Variants in PTCH1 observed in about 807,000 individuals in gnomAD.
PTCH1 encodes the protein patched 1, also known as protein patched homolog 1.
PTCH1 carries 14 observed loss-of-function variants against 144.6 expected under a neutral mutation model. The observed-to-expected ratio is 0.10, with a 90% confidence interval of 0.06 to 0.15. PTCH1 has a LOEUF of 0.15. Among genes scored for constraint, PTCH1 ranks in the 10% least tolerant of loss-of-function variants. PTCH1 has a pLI of 1.00. For missense variants in PTCH1, 1,623 were observed against 1,948.3 expected, an observed-to-expected ratio of 0.83 and a Z score of 3.14; for synonymous variants, 833 against 793.6, an observed-to-expected ratio of 1.05 and a Z score of -0.83.
At chr9:95,507,930 A>C in intron 1 of PTCH1, 3 of 1,429,726 alleles carry the variant, frequency 2.1e-6, no homozygotes, top group Non-Finnish European at 2.8e-6. Flanking sequence ...GCACACACAC[A>C]CACCTCCACC....
intron 18 of PTCH1, 32 bp downstream of exon 18, chr9:95,457,981 G>T: frequency 6.2e-7 from 1 of 1,613,452 alleles, no homozygotes; most frequent in South Asian, 1.1e-5. Context: ...AAAGGAATTT[G>T]ACTTCCACAA....
At chr9:95,505,193 A>G (rs146250253) in intron 2 of PTCH1, among the ~76,000 whole-genome samples, 10 of 152,348 alleles carry the variant, frequency 6.6e-5, no homozygotes, top group African/African-American at 2.4e-4. Context: ...GATTAAGGAA[A>G]TATTCTTCAA....
At position 95,461,958 on chromosome 9, in the gene PTCH1, T is replaced by G. The variant is rs568888639; in HGVS notation, c.2601A>C (p.Lys867Asn). Residue 867 changes from lysine to asparagine, a missense_variant, in exon 16 of 24, where the codon AAA becomes AAC. By Grantham distance (94) the Lys-to-Asn change is moderately conservative. Around this residue, in one of 7 missense-constraint regions of PTCH1, gnomAD observed 504 missense variants for 679.3 expected, o/e 0.74. Transcript: ENST00000331920. ...CATTCTTGTAATTGTTTGGCATGATTTTCCCGGTTTCCCAGTCACTGTCAA... is the reference window on the plus strand; with the variant it reads ...CATTCTTGTAATTGTTTGGCATGATGTTCCCGGTTTCCCAGTCACTGTCAA... ...DAFDSDWETG[K>N]IMPNNYKNGS... 1 of 1,614,224 alleles carries G rather than the reference T, an allele frequency of 6.2e-7. No individual in the cohort carries two copies. Among genetic ancestry groups the G allele is most frequent in the Middle Eastern group, 1.6e-4 (1 of 6,062 alleles).
rs2118052149 is a variant in PTCH1, at chr9:95,469,060, G to T, written c.1941C>A (p.Ser647Arg). 1 of 1,614,090 alleles carries T rather than the reference G, an allele frequency of 6.2e-7. No individual in the cohort carries two copies. The highest frequency in any genetic ancestry group is 8.5e-7 in the Non-Finnish European group (1 of 1,180,046). The change falls in exon 14 of 24, where the codon AGC becomes AGA. Residue 647 changes from serine to arginine, a missense_variant. This residue lies in a region of PTCH1 where 179 missense variants were observed against 165.7 expected (regional missense o/e 1.08). Coordinates refer to ENST00000331920, the MANE Select transcript of PTCH1 (RefSeq NM_000264.5). Reference protein sequence around the residue: ...TRYSPPPPYSSHSFAHETQIT... With the variant: ...TRYSPPPPYSRHSFAHETQIT... Reference sequence around the variant, plus strand: ...TCTGCGTTTCATGGGCAAAGCTGTGGCTGCTGTAGGGAGGTGGGGGGCTGT... The same window carrying T: ...TCTGCGTTTCATGGGCAAAGCTGTGTCTGCTGTAGGGAGGTGGGGGGCTGT...
chr9:95,460,343 A>G (rs1190180811), intron 16 of PTCH1, among the ~76,000 whole-genome samples: 3 of 152,202 alleles, frequency 2.0e-5, no homozygotes, highest in African/African-American at 7.2e-5. Flanking sequence ...AGGTGATCTT[A>G]TTCCCGGAGG....
chr9:95,504,155 T>C (rs948759209), intron 2 of PTCH1, among the ~76,000 whole-genome samples: 2 of 150,852 alleles, frequency 1.3e-5, no homozygotes, highest in Non-Finnish European at 2.9e-5. Flanking sequence ...AGTGACAGTA[T>C]TAGTACTGAG....
intron 8 of PTCH1, among the ~76,000 whole-genome samples, chr9:95,478,486 C>G (rs916049582): frequency 6.6e-6 from 1 of 152,136 alleles, no homozygotes; most frequent in Non-Finnish European, 1.5e-5. Context: ...GTCTCTTCTC[C>G]GTTAACTTCA....
chr9:95,465,952 G>A (rs118162639), intron 15 of PTCH1, among the ~76,000 whole-genome samples: 122 of 152,250 alleles, frequency 8.0e-4, no homozygotes, highest in Admixed American at 1.7e-3. Flanking sequence ...ACGTGCAGTC[G>A]GTCAGGAGAA....
chr9:95,494,119 G>T, intron 2 of PTCH1: 1 of 785,010 alleles, frequency 1.3e-6, no homozygotes. Flanking sequence ...CTGGGCGCAG[G>T]TAGTGCGCAG....
chr9:95,478,256 C>T, intron 8 of PTCH1, 70 bp from the exon 9 acceptor site: 2 of 1,604,184 alleles, frequency 1.2e-6, no homozygotes, highest in Non-Finnish European at 8.5e-7. Flanking sequence ...CAGCACAGAT[C>T]TCAGGTGACA....
intron 2 of PTCH1, among the ~76,000 whole-genome samples, chr9:95,501,506 T>C (rs1203759954): frequency 1.3e-5 from 2 of 150,674 alleles, no homozygotes; most frequent in Non-Finnish European, 2.9e-5. Context: ...ATACCAAGCA[T>C]GTATTTTAAA....
chr9:95,480,451 G>A lies in PTCH1; in HGVS notation c.884C>T (p.Pro295Leu), dbSNP rs370755364. Residue 295 changes from proline (P) to leucine (L), a missense_variant, in exon 6 of 24, where the codon CCC becomes CTC. Physicochemically the swap from Pro to Leu is moderately conservative, Grantham distance 98 (BLOSUM62 -3). This residue lies in a region of PTCH1 where 230 missense variants were observed against 271.0 expected (regional missense o/e 0.85). Coordinates refer to ENST00000331920, the MANE Select transcript of PTCH1 (RefSeq NM_000264.5). ...GTCTGGATCGGCCGGATTGAGGCAG[G>A]GGCGGTCCATGTAACCATGACCAAC... ...AEVGHGYMDR[P>L]CLNPADPDCP... The A allele has an allele frequency of 7.1e-5, 115 of 1,611,624 alleles. 1 individual carries two copies. The highest frequency in any genetic ancestry group is 3.1e-5 in the Non-Finnish European group (36 of 1,179,696).
rs1288413862 is a variant in PTCH1, at chr9:95,444,793, A to G, written c.*1600T>C. 1.3e-5 allele frequency: 2 copies of G among 152,114 alleles called. No individual in the cohort carries two copies. The highest frequency in any genetic ancestry group is 4.8e-5 in the African/African-American group (2 of 41,364). 9.4% of individuals were successfully genotyped at this position (152,114 alleles called of 1,614,324 possible). A position where few individuals can be genotyped will look rare whatever the true frequency, so the allele number is the denominator to read the frequency against. On this transcript the variant is annotated 3_prime_UTR_variant, in exon 24 of 24. Coordinates refer to ENST00000331920, the MANE Select transcript of PTCH1 (RefSeq NM_000264.5). ...GTGTGGATTTGGATGGGGAGCCGAC[A>G]CTGGGTGCTTCCCTGACATGTGCTG...
intron 12 of PTCH1, among the ~76,000 whole-genome samples, chr9:95,474,683 A>G (rs1358995436): frequency 6.6e-6 from 1 of 152,216 alleles, no homozygotes; most frequent in Non-Finnish European, 1.5e-5. Context: ...GTAGTTGCCC[A>G]GGCCTCTTGG....
rs549265462 is a variant in PTCH1, at chr9:95,473,465, G to A, written c.1728+2569C>T. Among the ~76,000 whole-genome samples the A allele has an allele frequency of 1.4e-4, 22 of 151,828 alleles. No homozygotes were observed. The South Asian group carries it at 1.9e-3, about 13-fold the overall frequency. Reference sequence around the variant, plus strand: ...ATTTTGAGGGTCAATACATTTAAAAGAGAACCAGGGAAAATTTTCTGATGG... The same window carrying A: ...ATTTTGAGGGTCAATACATTTAAAAAAGAACCAGGGAAAATTTTCTGATGG... On this transcript the variant is annotated intron_variant, in intron 12 of 23. Transcript: ENST00000331920.
chr9:95,485,570 C>A, intron 3 of PTCH1, 115 bp downstream of exon 3: 2 of 1,235,462 alleles, frequency 1.6e-6, no homozygotes, highest in East Asian at 4.8e-5. Flanking sequence ...TGAACTAATA[C>A]TCCAGGTGCA....
chr9:95,469,744 G>T, intron 13 of PTCH1, 69 bp downstream of exon 13: 1 of 1,388,312 alleles, frequency 7.2e-7, no homozygotes, highest in Non-Finnish European at 1.0e-6. Flanking sequence ...TAAGTCCACA[G>T]GCTGAAAGAG....
At chr9:95,485,359 TCA>T (rs1841881244) in intron 3 of PTCH1, among the ~76,000 whole-genome samples, 1 of 152,144 alleles carries the variant, frequency 6.6e-6, no homozygotes, top group East Asian at 1.9e-4. Flanking sequence ...ATTCAAAATA[TCA>T]CTCTCCAAAA....
rs1388774785 is a variant in PTCH1, at chr9:95,447,079, G to A, written c.4177C>T (p.Pro1393Ser). ...TAGCCTGGGCAGAGTCCCCCTCGGG[G>A]GTTCCGCCCAGGCCCAGGGACAGGC... ...PPPVPGPGRN[P>S]RGGLCPGYPE... Residue 1393 changes from proline (P) to serine (S), a missense_variant, in exon 23 of 24, where the codon CCC becomes TCC. Physicochemically the swap from Pro to Ser is moderately conservative, Grantham distance 74. Around this residue, in one of 7 missense-constraint regions of PTCH1, gnomAD observed 291 missense variants for 287.4 expected, o/e 1.01. Coordinates refer to ENST00000331920, the MANE Select transcript of PTCH1 (RefSeq NM_000264.5). 6.2e-7 allele frequency: 1 copy of A among 1,613,904 alleles called. No individual in the cohort carries two copies. The highest frequency in any genetic ancestry group is 8.5e-7 in the Non-Finnish European group (1 of 1,180,036).
Sources: allele counts gnomAD v4.1 joint callset (sites outside exome capture counted in the v4.1 genomes callset), GRCh38; gene constraint gnomAD v4.1.1; regional missense constraint gnomAD v4.1.1; transcripts MANE v1.5; gene names NCBI Gene and HGNC (gene_info 2026-07-23, HGNC 2026-07-21).